Variants in EYS observed in about 807,000 individuals in gnomAD.
EYS encodes EGF-like photoreceptor maintenance factor, also known as protein eyes shut homolog.
EYS carries 250 observed loss-of-function variants against 282.1 expected under a neutral mutation model. That is an observed-to-expected ratio of 0.89 (90% CI 0.80 to 0.98). EYS has a LOEUF of 0.98. Ranked by LOEUF, EYS falls within the 50% of genes least tolerant of loss-of-function variation. The pLI, the probability that EYS is intolerant of heterozygous loss-of-function variation, is 0.00. For synonymous variants in EYS, 1,355 were observed against 1,282.9 expected (o/e 1.06, Z -1.20); for missense variants, 4,016 against 3,709.0 (o/e 1.08, Z -2.15).
intron 36 of EYS, among the ~76,000 whole-genome samples, chr6:63,835,967 A>T (rs1467872305): frequency 6.6e-6 from 1 of 152,112 alleles, no homozygotes; most frequent in Non-Finnish European, 1.5e-5. Flanking sequence ...TATCATGTCA[A>T]TGTTCATCTG....
At position 63,789,223 on chromosome 6, in the gene EYS, C is replaced by T; in HGVS notation, c.7413G>A (p.Gly2471=). 2 of 1,551,082 alleles carry T rather than the reference C, an allele frequency of 1.3e-6. No homozygotes were observed. Among genetic ancestry groups the T allele is most frequent in the Non-Finnish European group, 1.7e-6 (2 of 1,146,570 alleles). ...CAGCCAGGAAGTCATCGCCATTCAACCCTGGAATGAGAAGACACATGGGGA... is the reference window on the plus strand; with the variant it reads ...CAGCCAGGAAGTCATCGCCATTCAATCCTGGAATGAGAAGACACATGGGGA... The part of the protein sequence containing the change: ...LIFFTGQKGH[G]LNGDDFLAVG... The change falls in exon 38 of 43, where the codon GGG becomes GGA. Residue 2471 remains glycine (G), a splice_region_variant and synonymous_variant. Transcript: ENST00000503581.
intron 21 of EYS, among the ~76,000 whole-genome samples, chr6:64,819,287 T>C (rs1764829708): frequency 6.6e-6 from 1 of 152,130 alleles, no homozygotes; most frequent in African/African-American, 2.4e-5. Context: ...ATATCTAAGA[T>C]TTACAGAATG....
rs528864940 is a variant in EYS, at chr6:64,405,403, C to T, written c.5928-16563G>A. On this transcript the variant is annotated intron_variant, in intron 28 of 42. Coordinates refer to ENST00000503581, the MANE Select transcript of EYS (RefSeq NM_001142800.2). ...AATGGGCAAAAACTGGAAGTATTCC[C>T]TTTGAAAACCGGCACAGGACAAGGA... 2.6e-5 allele frequency among the ~76,000 whole-genome samples: 4 copies of T among 152,230 alleles called. No homozygotes were observed. In the East Asian group the frequency reaches 5.8e-4, roughly 22 times the overall value.
At chr6:64,960,079 A>G (rs972417795) in intron 14 of EYS, among the ~76,000 whole-genome samples, 4 of 152,050 alleles carry the variant, frequency 2.6e-5, no homozygotes, top group African/African-American at 9.7e-5. Flanking sequence ...AATAAAATCA[A>G]TGGTAATTTT....
intron 31 of EYS, among the ~76,000 whole-genome samples, chr6:64,197,073 C>T (rs1465641384): frequency 1.3e-5 from 2 of 151,884 alleles, no homozygotes; most frequent in Non-Finnish European, 2.9e-5. Context: ...TAATATATCA[C>T]CTAGGTCTCA....
At chr6:65,279,792 A>G (rs1479822774) in intron 12 of EYS, among the ~76,000 whole-genome samples, 1 of 152,190 alleles carries the variant, frequency 6.6e-6, no homozygotes, top group African/African-American at 2.4e-5. Context: ...CTTATGTGAC[A>G]TCTTGATTGT....
At chr6:64,688,563 G>C (rs1344366144) in intron 22 of EYS, among the ~76,000 whole-genome samples, 1 of 152,088 alleles carries the variant, frequency 6.6e-6, no homozygotes, top group African/African-American at 2.4e-5. Flanking sequence ...CTGAGTTCTA[G>C]TTTGATTGCA....
intron 12 of EYS, among the ~76,000 whole-genome samples, chr6:65,169,804 G>C (rs1765062257): frequency 6.6e-6 from 1 of 151,444 alleles, no homozygotes; most frequent in South Asian, 2.1e-4. Flanking sequence ...TCTAATATAT[G>C]TAAGTCTTTT....
chr6:63,826,382 A>G (rs1055830011), intron 36 of EYS, among the ~76,000 whole-genome samples: 1 of 152,220 alleles, frequency 6.6e-6, no homozygotes, highest in Non-Finnish European at 1.5e-5. Context: ...TACAAGAAGC[A>G]CAAAGAGCAC....
intron 1 of EYS, among the ~76,000 whole-genome samples, chr6:65,676,920 A>G (rs2149835939): frequency 6.6e-6 from 1 of 151,818 alleles, no homozygotes; most frequent in South Asian, 2.1e-4. Context: ...TATCCATATG[A>G]TACACCACAT....
intron 5 of EYS, among the ~76,000 whole-genome samples, chr6:65,419,968 G>T (rs2075224299): frequency 1.3e-5 from 2 of 151,930 alleles, no homozygotes; most frequent in African/African-American, 4.8e-5. Flanking sequence ...GCCTTAATTT[G>T]CAAATACTCT....
chr6:63,859,538 G>A (rs142848936), intron 36 of EYS, among the ~76,000 whole-genome samples: 357 of 151,406 alleles, frequency 2.4e-3, no homozygotes, highest in Non-Finnish European at 3.5e-3. Context: ...AAGAGATAAC[G>A]CATTCCACCT....
chr6:63,994,930 A>G (rs1223695283), intron 34 of EYS, among the ~76,000 whole-genome samples: 1 of 151,970 alleles, frequency 6.6e-6, no homozygotes, highest in East Asian at 1.9e-4. Context: ...AAACCCCTAG[A>G]GGAAAACATG....
chr6:65,485,288 T>C (rs888703843), intron 5 of EYS, among the ~76,000 whole-genome samples: 1 of 152,198 alleles, frequency 6.6e-6, no homozygotes, highest in African/African-American at 2.4e-5. Flanking sequence ...AAAATGTTAG[T>C]AAATATTTTA....
intron 22 of EYS, among the ~76,000 whole-genome samples, chr6:64,705,648 T>TA (rs1335973771): frequency 1.3e-5 from 2 of 151,390 alleles, no homozygotes; most frequent in Non-Finnish European, 2.9e-5. Flanking sequence ...TATGCAGCCA[T>TA]AAAAAATGAT....
chr6:64,130,780 G>C (rs1173912506), intron 31 of EYS, among the ~76,000 whole-genome samples: 1 of 152,106 alleles, frequency 6.6e-6, no homozygotes, highest in Non-Finnish European at 1.5e-5. Flanking sequence ...AAGAAACCCA[G>C]GTAGCAAGAG....
At chr6:64,714,516 CTTTTTTTTTTT>C (rs55730437) in intron 22 of EYS, among the ~76,000 whole-genome samples, 1 of 127,916 alleles carries the variant, frequency 7.8e-6, no homozygotes, top group African/African-American at 3.0e-5. Context: ...TTCTTTCTTT[CTTTTTTTTTTT>C]TTTTTTTTTT....
At chr6:64,920,973 C>T (rs1239213197) in intron 15 of EYS, among the ~76,000 whole-genome samples, 2 of 152,028 alleles carry the variant, frequency 1.3e-5, no homozygotes, top group African/African-American at 4.8e-5. Flanking sequence ...CACTTGAAGT[C>T]TCAGAAGAAA....
chr6:64,106,341 G>GA (rs201926908), intron 31 of EYS, among the ~76,000 whole-genome samples: 5,235 of 151,730 alleles, frequency 0.035, 268 homozygotes, highest in African/African-American at 0.11. Flanking sequence ...TTGTTTGCCT[G>GA]AAAAAAAATC....
Sources: gnomAD v4.1 joint callset for allele counts (sites outside exome capture counted in the v4.1 genomes callset) on GRCh38, gnomAD v4.1.1 for gene constraint, MANE v1.5 for transcripts, NCBI Gene and HGNC (gene_info 2026-07-23, HGNC 2026-07-21) for gene names.